SYT1: variants seen among roughly 807,000 people sequenced by gnomAD.
SYT1 encodes synaptotagmin 1.
In SYT1, 8 loss-of-function variants were observed where a neutral mutation model predicts 44.8. That is an observed-to-expected ratio of 0.18 (90% CI 0.10 to 0.32). The LOEUF (loss-of-function observed/expected upper bound fraction) is 0.32, where lower values mean the gene tolerates loss of function less well. SYT1 is among the 10% of genes least tolerant of loss of function. The pLI, the probability that SYT1 is intolerant of heterozygous loss-of-function variation, is 1.00. For missense variants in SYT1, 286 were observed against 509.3 expected (o/e 0.56, Z 4.22); for synonymous variants, 154 against 188.8 (o/e 0.82, Z 1.51).
intron 2 of SYT1, among the ~76,000 whole-genome samples, chr12:78,978,761 A>G (rs1408332084): frequency 6.6e-6 from 1 of 152,198 alleles, no homozygotes; most frequent in African/African-American, 2.4e-5. Flanking sequence ...TACAGGAGAA[A>G]TAGTGTTACA....
chr12:79,354,592 GAGT>G (rs1883039419), intron 9 of SYT1, among the ~76,000 whole-genome samples: 1 of 152,148 alleles, frequency 6.6e-6, no homozygotes, highest in Non-Finnish European at 1.5e-5. Flanking sequence ...CCTGGTACCT[GAGT>G]GTATTTCTCT....
chr12:79,371,940 C>A (rs1246862230), intron 9 of SYT1, among the ~76,000 whole-genome samples: 2 of 152,172 alleles, frequency 1.3e-5, no homozygotes, highest in Non-Finnish European at 2.9e-5. Context: ...TCTTCTTTAC[C>A]TTTATACTGT....
At chr12:79,148,118 G>T (rs1260771698) in intron 3 of SYT1, among the ~76,000 whole-genome samples, 1 of 152,102 alleles carries the variant, frequency 6.6e-6, no homozygotes, top group Non-Finnish European at 1.5e-5. Context: ...AGTGCTGTGT[G>T]GGCAAAATTG....
intron 8 of SYT1, among the ~76,000 whole-genome samples, chr12:79,300,354 T>C (rs1880077925): frequency 6.6e-6 from 1 of 152,148 alleles, no homozygotes. Context: ...CACTCTTTAG[T>C]TCCTGACGTA....
chr12:79,053,530 C>A (rs1392565772), intron 3 of SYT1, among the ~76,000 whole-genome samples: 3 of 149,260 alleles, frequency 2.0e-5, no homozygotes, highest in South Asian at 2.1e-4. Context: ...TAAAAAAATT[C>A]TTATATATAT....
At chr12:78,933,068 C>T (rs1261146051) in intron 1 of SYT1, among the ~76,000 whole-genome samples, 1 of 152,168 alleles carries the variant, frequency 6.6e-6, no homozygotes, top group Non-Finnish European at 1.5e-5. Flanking sequence ...AGCCTCTAAG[C>T]AGTCAAGTTG....
intron 3 of SYT1, among the ~76,000 whole-genome samples, chr12:79,165,257 G>A (rs1199112688): frequency 6.6e-6 from 1 of 151,706 alleles, no homozygotes; most frequent in Non-Finnish European, 1.5e-5. Flanking sequence ...AATTATAATT[G>A]AACAGTTAGA....
chr12:79,317,455 T>A (rs560798531), intron 8 of SYT1, among the ~76,000 whole-genome samples: 118 of 152,196 alleles, frequency 7.8e-4, no homozygotes, highest in Non-Finnish European at 1.0e-3. Flanking sequence ...ACAGCAAGAT[T>A]GTGAACAAGA....
chr12:79,247,887 T>A (rs912818807), intron 4 of SYT1, among the ~76,000 whole-genome samples: 1 of 152,222 alleles, frequency 6.6e-6, no homozygotes, highest in Non-Finnish European at 1.5e-5. Context: ...ACACAAAGTA[T>A]GAAAGTAATA....
At chr12:78,960,727 A>T (rs1879457560) in intron 1 of SYT1, 1 of 152,150 alleles carries the variant, frequency 6.6e-6, no homozygotes, top group African/African-American at 2.4e-5. Context: ...GGAATATGGA[A>T]CACTTTTGAA....
intron 4 of SYT1, among the ~76,000 whole-genome samples, chr12:79,225,078 G>A (rs1435685272): frequency 6.6e-6 from 1 of 151,064 alleles, no homozygotes; most frequent in African/African-American, 2.4e-5. Context: ...ACTGCGCCCA[G>A]CCCTGACTTG....
chr12:79,111,565 G>A (rs1420305340), intron 3 of SYT1, among the ~76,000 whole-genome samples: 1 of 151,936 alleles, frequency 6.6e-6, no homozygotes, highest in Non-Finnish European at 1.5e-5. Context: ...CACTCAAGAA[G>A]TATTTGTTGA....
chr12:78,883,437 C>T (rs10778279), intron 1 of SYT1, among the ~76,000 whole-genome samples: 77,613 of 151,318 alleles, frequency 0.51, 20,203 homozygotes, highest in Non-Finnish European at 0.56. Context: ...TGGTAATAAG[C>T]CTTCATGAAC....
At chr12:79,190,908 A>G (rs1274695754) in intron 3 of SYT1, among the ~76,000 whole-genome samples, 2 of 152,086 alleles carry the variant, frequency 1.3e-5, no homozygotes, top group African/African-American at 4.8e-5. Context: ...CATGTCCCCA[A>G]TAATGAGAGC....
chr12:79,339,796 GT>G (rs893308990), intron 8 of SYT1, among the ~76,000 whole-genome samples: 22 of 152,188 alleles, frequency 1.4e-4, no homozygotes, highest in African/African-American at 5.1e-4. Flanking sequence ...GGATTTTATG[GT>G]TTTAGGTCTA....
chr12:79,326,148 G>A (rs1348741502), intron 8 of SYT1, among the ~76,000 whole-genome samples: 1 of 152,102 alleles, frequency 6.6e-6, no homozygotes, highest in Non-Finnish European at 1.5e-5. Context: ...AAAAAACTCA[G>A]CTACTCTGAC....
intron 9 of SYT1, among the ~76,000 whole-genome samples, chr12:79,410,032 T>C (rs1447117675): frequency 6.6e-6 from 1 of 152,110 alleles, no homozygotes; most frequent in Non-Finnish European, 1.5e-5. Flanking sequence ...TTCATGGCCA[T>C]TTCAAAAATT....
chr12:79,254,519 A>G (rs1877405264), intron 4 of SYT1, among the ~76,000 whole-genome samples: 1 of 152,208 alleles, frequency 6.6e-6, no homozygotes, highest in Admixed American at 6.5e-5. Flanking sequence ...TGTTAACACA[A>G]CATCCTTTCT....
chr12:79,255,431 T>G (rs1355942988), intron 4 of SYT1, among the ~76,000 whole-genome samples: 1 of 152,268 alleles, frequency 6.6e-6, no homozygotes, highest in Non-Finnish European at 1.5e-5. Context: ...AACTTTTATA[T>G]GCACTGTGAA....
Sources: gnomAD v4.1 joint callset for allele counts (sites outside exome capture counted in the v4.1 genomes callset) on GRCh38, gnomAD v4.1.1 for gene constraint, MANE v1.5 for transcripts, NCBI Gene and HGNC (gene_info 2026-07-23, HGNC 2026-07-21) for gene names.